Variants in ATG7 observed in about 807,000 individuals in gnomAD.
ATG7 encodes autophagy related 7.
In ATG7, 70 loss-of-function variants were observed where a neutral mutation model predicts 82.4. The observed-to-expected ratio is 0.85, with a 90% CI of 0.70 to 1.04. The LOEUF is 1.04. ATG7 is among the 50% of genes least tolerant of loss of function. The pLI, the probability that ATG7 is intolerant of heterozygous loss-of-function variation, is 0.00. For missense variants in ATG7, 792 were observed against 864.3 expected, an observed-to-expected ratio of 0.92 and a Z score of 1.05; for synonymous variants, 287 against 313.0, an observed-to-expected ratio of 0.92 and a Z score of 0.88.
chr3:11,532,286 C>T (rs1575216210), intron 20 of ATG7, among the ~76,000 whole-genome samples: 1 of 152,150 alleles, frequency 6.6e-6, no homozygotes, highest in African/African-American at 2.4e-5. Flanking sequence ...CTCAAGGAGC[C>T]GGCACACATC....
rs1193546999 is a variant in ATG7, at chr3:11,527,090, T to TATAC, written c.2080-27713_2080-27710dup. On this transcript the variant is annotated intron_variant, in intron 20 of 20. Transcript: ENST00000693202. ...GTGTGTGTATATATATATATATATA[T>TATAC]ATACATACATATACATATACACACA... Among the ~76,000 whole-genome samples the TATAC allele has an allele frequency of 8.2e-5, 12 of 145,458 alleles. No individual in the cohort carries two copies. The South Asian group carries it at 1.7e-3, about 21-fold the overall frequency.
chr3:11,529,205 G>C (rs1005474428), intron 20 of ATG7, among the ~76,000 whole-genome samples: 1 of 152,216 alleles, frequency 6.6e-6, no homozygotes, highest in African/African-American at 2.4e-5. Context: ...AGCCAGCCAG[G>C]TTGAAGAGTT....
intron 9 of ATG7, among the ~76,000 whole-genome samples, chr3:11,327,105 A>G (rs1950995808): frequency 6.6e-6 from 1 of 152,182 alleles, no homozygotes. Context: ...AAGCCTGGAG[A>G]AATGTACTAG....
At chr3:11,482,845 T>G (rs2089173905) in intron 20 of ATG7, among the ~76,000 whole-genome samples, 1 of 152,172 alleles carries the variant, frequency 6.6e-6, no homozygotes, top group Non-Finnish European at 1.5e-5. Context: ...GCATATATCT[T>G]AAGTATACAT....
intron 20 of ATG7, among the ~76,000 whole-genome samples, chr3:11,514,695 T>TA (rs1475666755): frequency 6.6e-6 from 1 of 152,216 alleles, no homozygotes; most frequent in Non-Finnish European, 1.5e-5. Flanking sequence ...ATAGCATACT[T>TA]ACATAGCTCC....
chr3:11,455,769 T>G (rs2085647092), intron 20 of ATG7, among the ~76,000 whole-genome samples: 1 of 152,182 alleles, frequency 6.6e-6, no homozygotes, highest in Admixed American at 6.5e-5. Context: ...TTAATCAAGC[T>G]GATTTACTCA....
chr3:11,564,804 C>T, the ATG7 span: 5 of 1,557,808 alleles, frequency 3.2e-6, no homozygotes, highest in Non-Finnish European at 1.7e-6. Flanking sequence ...CACCTGCTGC[C>T]GCTCCCCCGG....
intron 19 of ATG7, among the ~76,000 whole-genome samples, chr3:11,412,155 C>T (rs1034342712): frequency 6.6e-6 from 1 of 151,614 alleles, no homozygotes; most frequent in Non-Finnish European, 1.5e-5. Context: ...AAAACTAGGG[C>T]TTTATATAGC....
chr3:11,318,092 A>T (rs1949697747), intron 9 of ATG7, among the ~76,000 whole-genome samples: 1 of 152,238 alleles, frequency 6.6e-6, no homozygotes. Context: ...CAACAGCAGT[A>T]TATTTTGAAA....
chr3:11,336,746 C>T (rs1028997710), intron 11 of ATG7, among the ~76,000 whole-genome samples: 5 of 152,080 alleles, frequency 3.3e-5, no homozygotes, highest in African/African-American at 9.7e-5. Context: ...AATCATAGCT[C>T]ACTGCAGCCT....
chr3:11,491,237 G>A (rs2090321251), intron 20 of ATG7, among the ~76,000 whole-genome samples: 1 of 151,954 alleles, frequency 6.6e-6, no homozygotes, highest in Non-Finnish European at 1.5e-5. Flanking sequence ...TTCCATCACT[G>A]ATACCCTTTC....
intron 18 of ATG7, among the ~76,000 whole-genome samples, chr3:11,366,238 ATAG>A (rs147487450): frequency 6.6e-6 from 1 of 151,242 alleles, no homozygotes; most frequent in African/African-American, 2.4e-5. Flanking sequence ...AAAAAAAAAA[ATAG>A]AACTTGTAGA....
At position 11,500,976 on chromosome 3, in the gene ATG7, C is replaced by T. The variant is rs114555962; in HGVS notation, c.2080-53835C>T. Among the ~76,000 whole-genome samples, 1,074 of 152,208 alleles carry T rather than the reference C, an allele frequency of 7.1e-3. 17 individuals carry two copies. Among genetic ancestry groups the T allele is most frequent in the African/African-American group, 0.025 (1,023 of 41,542 alleles). ...CAGAAATGAATGAAAATAATAGGGC[C>T]GGGCATGGTAGCTCACCCTGGTAAT... On this transcript the variant is annotated intron_variant, in intron 20 of 20. Transcript: ENST00000693202.
At chr3:11,493,234 C>T (rs2090543545) in intron 20 of ATG7, among the ~76,000 whole-genome samples, 1 of 152,336 alleles carries the variant, frequency 6.6e-6, no homozygotes, top group South Asian at 2.1e-4. Context: ...ATTTGCCTCT[C>T]TGCCCCTCTT....
chr3:11,437,399 G>A (rs1008551068), intron 20 of ATG7, among the ~76,000 whole-genome samples: 25 of 152,316 alleles, frequency 1.6e-4, no homozygotes, highest in Non-Finnish European at 2.8e-4. Context: ...TGTGCTTGCT[G>A]TGGGGAGAGA....
intron 17 of ATG7, 46 bp downstream of exon 17, chr3:11,362,974 G>C: frequency 6.5e-7 from 1 of 1,541,260 alleles, no homozygotes; most frequent in South Asian, 1.2e-5. Flanking sequence ...AGCTTTTGTA[G>C]GCAGTTGTTC....
the ATG7 span, chr3:11,568,481 C>T: frequency 7.3e-7 from 1 of 1,372,200 alleles, no homozygotes; most frequent in Non-Finnish European, 1.0e-6. This position sits in a 1 kb window ranked among gnomAD's most constrained non-coding sequence, Gnocchi z 5.9. Context: ...GGCCCACTAA[C>T]TGGAAAGACA....
At position 11,439,008 on chromosome 3, in the gene ATG7, A is replaced by C. The variant is rs568023758; in HGVS notation, c.2079+12082A>C. 3.3e-5 allele frequency among the ~76,000 whole-genome samples: 5 copies of C among 152,040 alleles called. No individual in the cohort carries two copies. In the East Asian group the frequency reaches 9.7e-4, roughly 29 times the overall value. On this transcript the variant is annotated intron_variant, in intron 20 of 20. Coordinates refer to ENST00000693202, the MANE Select transcript of ATG7 (RefSeq NM_001349232.2). The stretch of plus-strand genomic sequence containing the variant: ...GGAGTTTCCATATTTTGAGACTGTA[A>C]AATTAAATTGATTTTTAGTTCTGAG...
intron 14 of ATG7, among the ~76,000 whole-genome samples, chr3:11,358,117 C>G (rs1472088614): frequency 3.3e-5 from 5 of 151,922 alleles, no homozygotes; most frequent in Non-Finnish European, 7.4e-5. Flanking sequence ...GCCAAAGATA[C>G]ACAGTTTTCT....
Sources: gnomAD v4.1 joint callset for allele counts (sites outside exome capture counted in the v4.1 genomes callset) on GRCh38, gnomAD v4.1.1 for gene constraint, Gnocchi (gnomAD v3.1) non-coding constraint, MANE v1.5 for transcripts, NCBI Gene and HGNC (gene_info 2026-07-23, HGNC 2026-07-21) for gene names.